KIF9: variants seen among roughly 807,000 people sequenced by gnomAD.
KIF9 encodes the protein kinesin-like protein KIF9.
Under a neutral mutation model 94.8 loss-of-function variants are expected in KIF9, and 68 were observed. The ratio of observed to expected loss-of-function variants is 0.72; its 90% CI spans 0.59 to 0.88. The LOEUF (loss-of-function observed/expected upper bound fraction) is 0.88. Among genes scored for constraint, KIF9 ranks in the 40% least tolerant of loss-of-function variants. The pLI is 0.00. For synonymous variants in KIF9, 343 were observed against 362.1 expected (o/e 0.95, Z 0.60); for missense variants, 882 against 982.5 (o/e 0.90, Z 1.37).
chr3:47,271,482 C>T (rs373152586), intron 4 of KIF9, 21 bp from the exon 5 acceptor site: 30 of 1,602,196 alleles, frequency 1.9e-5, no homozygotes, highest in Non-Finnish European at 2.2e-5. Flanking sequence ...GATTGTACAG[C>T]GGTCACCAAG....
intron 2 of KIF9, among the ~76,000 whole-genome samples, chr3:47,276,069 T>C (rs1394696441): frequency 6.6e-6 from 1 of 152,126 alleles, no homozygotes; most frequent in Non-Finnish European, 1.5e-5. Flanking sequence ...CATCAGCAGA[T>C]TTTTAGATGC....
intron 10 of KIF9, among the ~76,000 whole-genome samples, chr3:47,249,426 G>T (rs989147519): frequency 2.0e-5 from 3 of 152,122 alleles, no homozygotes; most frequent in African/African-American, 7.2e-5. Flanking sequence ...GATTACAAGC[G>T]TGAGTCACTG....
At chr3:47,239,596 TA>T in intron 17 of KIF9, 1 of 1,063,062 alleles carries the variant, frequency 9.4e-7, no homozygotes, top group Non-Finnish European at 1.2e-6. Context: ...ATTGTTATTA[TA>T]TTTTTTTTCC....
chr3:47,253,300 C>T (rs1700382595), intron 10 of KIF9, among the ~76,000 whole-genome samples: 1 of 152,004 alleles, frequency 6.6e-6, no homozygotes, highest in South Asian at 2.1e-4. Flanking sequence ...GGATTACAGG[C>T]ATGCACCACT....
chr3:47,255,560 T>C (rs1047002496), intron 10 of KIF9, among the ~76,000 whole-genome samples: 2 of 152,116 alleles, frequency 1.3e-5, no homozygotes, highest in Non-Finnish European at 2.9e-5. Flanking sequence ...GGAGTGGAGC[T>C]TAGAGCAGCA....
Position 47,257,525 on chromosome 3 carries a change from T to A in KIF9, c.1017A>T (p.Leu339=). The change falls in exon 10 of 21, where the codon CTA becomes CTT. Residue 339 remains leucine (L), a synonymous_variant. Coordinates refer to ENST00000684063, the MANE Select transcript of KIF9 (RefSeq NM_182902.4). ...CATTGATGGCAGGCTCAGTGGTGAC[T>A]AGCTTCATCCTGCTGGCAAATCTCA... The part of the protein sequence containing the change: ...SSLRFASRMK[L]VTTEPAINEK... 6.2e-7 allele frequency: 1 copy of A among 1,613,976 alleles called. No individual in the cohort carries two copies. The highest frequency in any genetic ancestry group is 8.5e-7 in the Non-Finnish European group (1 of 1,180,018).
At chr3:47,245,722 G>A in intron 13 of KIF9, 1 of 576,160 alleles carries the variant, frequency 1.7e-6, no homozygotes, top group Non-Finnish European at 3.1e-6. Flanking sequence ...ATACCCACAA[G>A]GGCTACCTTA....
rs1559437311 is a variant in KIF9 at position 47,248,010 on chromosome 3, C to A, written c.1128+8G>T. On this transcript the variant is annotated splice_region_variant and intron_variant, in intron 11 of 20. Coordinates refer to ENST00000684063, the MANE Select transcript of KIF9 (RefSeq NM_182902.4). ...CTCTGCCCTCCTTCTTTGCCTCTAG[C>A]CTCTTACCAGGCTGTCATGGATAGC... 6.2e-7 allele frequency: 1 copy of A among 1,610,810 alleles called. No homozygotes were observed. The highest frequency in any genetic ancestry group is 8.5e-7 in the Non-Finnish European group (1 of 1,177,140).
chr3:47,278,736 C>A (rs1271688016), intron 1 of KIF9, among the ~76,000 whole-genome samples: 1 of 152,072 alleles, frequency 6.6e-6, no homozygotes, highest in African/African-American at 2.4e-5. Context: ...CTTTGGGAGG[C>A]CGAGGCAGGT....
chr3:47,264,189 T>C (rs1164513894), intron 9 of KIF9, 97 bp downstream of exon 9: 2 of 899,644 alleles, frequency 2.2e-6, no homozygotes, highest in Non-Finnish European at 1.9e-6. Context: ...ACAATGTCTA[T>C]GGCCACTGTG....
At chr3:47,270,269 T>C (rs1365150796) in intron 5 of KIF9, among the ~76,000 whole-genome samples, 2 of 151,788 alleles carry the variant, frequency 1.3e-5, no homozygotes, top group Admixed American at 1.3e-4. Flanking sequence ...TTTTTTTTTT[T>C]TGAGAAGGAG....
At chr3:47,279,839 G>A (rs966348055) in intron 1 of KIF9, among the ~76,000 whole-genome samples, 2 of 152,154 alleles carry the variant, frequency 1.3e-5, no homozygotes, top group East Asian at 1.9e-4. Context: ...GGATGGTCTC[G>A]ATCTCCTGAC....
chr3:47,247,719 C>T (rs1341558505), intron 11 of KIF9, among the ~76,000 whole-genome samples: 2 of 152,184 alleles, frequency 1.3e-5, no homozygotes, highest in Non-Finnish European at 2.9e-5. Context: ...ATGGGTCCTG[C>T]TACTCCAGAC....
At position 47,244,806 on chromosome 3, in the gene KIF9, A is replaced by C. The variant is rs752434149; in HGVS notation, c.1499T>G (p.Phe500Cys). The C allele has an allele frequency of 1.5e-5, 24 of 1,613,798 alleles. No homozygotes were observed. Among genetic ancestry groups the C allele is most frequent in the Non-Finnish European group, 1.9e-5 (23 of 1,180,004 alleles). The stretch of plus-strand genomic sequence containing the variant: ...GGTCACTCACCTGAGTGGCTCTTTG[A>C]ATGTCTTCTTGGACTTGGCTTTCTT... ...PGKKAKSKKT[F>C]KEPLSSLARK... Residue 500 changes from phenylalanine to cysteine, a missense_variant, in exon 15 of 21, where the codon TTC becomes TGC. By Grantham distance (205) the Phe-to-Cys change is radical. Coordinates refer to ENST00000684063, the MANE Select transcript of KIF9 (RefSeq NM_182902.4).
chr3:47,277,177 C>A, intron 2 of KIF9, 105 bp downstream of exon 2: 1 of 745,650 alleles, frequency 1.3e-6, no homozygotes, highest in Admixed American at 2.5e-5. Flanking sequence ...TGGATCCTGT[C>A]CAATTCTGTC....
intron 3 of KIF9, 97 bp downstream of exon 3, chr3:47,275,228 T>C: frequency 9.8e-6 from 9 of 921,416 alleles, no homozygotes; most frequent in South Asian, 8.6e-5. Flanking sequence ...AACATACAAA[T>C]GATAGTGAGT....
Position 47,244,790 on chromosome 3 carries a change from C to T in KIF9, c.1514+1G>A, listed in dbSNP as rs2107212949. 1 of 1,613,772 alleles carries T rather than the reference C, an allele frequency of 6.2e-7. No individual in the cohort carries two copies. ...GGAGGCAGAGCGGCAAGGTCACTCA[C>T]CTGAGTGGCTCTTTGAATGTCTTCT... On this transcript the variant is annotated splice_donor_variant, in intron 15 of 20. Transcript: ENST00000684063. LOFTEE classifies it high-confidence loss of function.
chr3:47,245,759 C>T (rs1195563774), intron 13 of KIF9: 1 of 545,768 alleles, frequency 1.8e-6, no homozygotes, highest in Non-Finnish European at 3.3e-6. Flanking sequence ...TCCAAGATGA[C>T]ACTTGATAAG....
At chr3:47,241,740 TGTATATATAC>T (rs1204885520) in intron 16 of KIF9, among the ~76,000 whole-genome samples, 7 of 147,592 alleles carry the variant, frequency 4.7e-5, no homozygotes, top group African/African-American at 9.9e-5. Context: ...TATATGTGTG[TGTATATATAC>T]GTATATATAC....
Sources: gnomAD v4.1 joint callset for allele counts (sites outside exome capture counted in the v4.1 genomes callset) on GRCh38, gnomAD v4.1.1 for gene constraint, MANE v1.5 for transcripts, NCBI Gene and HGNC (gene_info 2026-07-23, HGNC 2026-07-21) for gene names.